TNRC6C: variants seen among roughly 807,000 people sequenced by gnomAD.
TNRC6C encodes trinucleotide repeat containing adaptor 6C.
TNRC6C carries 20 observed loss-of-function variants against 153.7 expected under a neutral mutation model. The observed-to-expected ratio is 0.13, with a 90% CI of 0.09 to 0.19. The LOEUF is 0.19. Among genes scored for constraint, TNRC6C ranks in the 10% least tolerant of loss-of-function variants. The probability of loss-of-function intolerance (pLI) is 1.00; values close to 1 mark genes in which losing one functional copy is unlikely to be tolerated. For missense variants in TNRC6C, 1,987 were observed against 2,172.0 expected (o/e 0.91, Z 1.69); for synonymous variants, 811 against 841.4 (o/e 0.96, Z 0.63).
chr17:77,987,947 T>TG (rs1209368950), intron 1 of TNRC6C, among the ~76,000 whole-genome samples: 2 of 152,150 alleles, frequency 1.3e-5, no homozygotes, highest in Non-Finnish European at 2.9e-5. Context: ...CTCAAAGTGC[T>TG]GGGATTATAG....
intron 9 of TNRC6C, among the ~76,000 whole-genome samples, chr17:78,078,833 C>T (rs574335428): frequency 8.5e-5 from 13 of 152,214 alleles, no homozygotes; most frequent in African/African-American, 3.1e-4. Flanking sequence ...TGGCTCACAC[C>T]TGTAATCCCA....
At chr17:78,047,377 T>G (rs1045583800) in intron 2 of TNRC6C, among the ~76,000 whole-genome samples, 9 of 152,212 alleles carry the variant, frequency 5.9e-5, no homozygotes, top group African/African-American at 2.2e-4. Flanking sequence ...CATTTAAAGT[T>G]TTCTGTTGCC....
chr17:78,051,269 A>G (rs1256602075), exon 3 of TNRC6C: 4 of 1,553,846 alleles, frequency 2.6e-6, no homozygotes, highest in South Asian at 2.4e-5. Context: ...GACCCAAGCA[A>G]CTATAACAAT....
intron 1 of TNRC6C, among the ~76,000 whole-genome samples, chr17:77,979,758 C>T (rs1240304879): frequency 6.6e-6 from 1 of 151,178 alleles, no homozygotes; most frequent in Non-Finnish European, 1.5e-5. Context: ...TACCAAAAAA[C>T]AAAAATAAAG....
intron 1 of TNRC6C, among the ~76,000 whole-genome samples, chr17:77,989,901 A>G (rs367714022): frequency 6.6e-6 from 1 of 152,028 alleles, no homozygotes; most frequent in South Asian, 2.1e-4. Flanking sequence ...CCTCACTTTG[A>G]TTTATATTTC....
At chr17:78,003,082 G>A (rs1457842607), upstream of TNRC6C, among the ~76,000 whole-genome samples, 1 of 152,220 alleles carries the variant, frequency 6.6e-6, no homozygotes, top group Non-Finnish European at 1.5e-5. Flanking sequence ...TGGGTGGTTA[G>A]GGTCTAGTAG....
At chr17:77,985,040 A>G (rs2071142185) in intron 1 of TNRC6C, among the ~76,000 whole-genome samples, 1 of 152,220 alleles carries the variant, frequency 6.6e-6, no homozygotes, top group African/African-American at 2.4e-5. Flanking sequence ...AGACTTACTA[A>G]CAACATTACT....
chr17:78,034,131 A>G (rs1176361158), intron 2 of TNRC6C, among the ~76,000 whole-genome samples: 2 of 152,024 alleles, frequency 1.3e-5, no homozygotes, highest in African/African-American at 4.8e-5. Context: ...TTGGCTCACC[A>G]CAACCTCTGC....
intron 2 of TNRC6C, among the ~76,000 whole-genome samples, chr17:78,036,738 A>C (rs920959144): frequency 2.6e-5 from 4 of 152,092 alleles, no homozygotes; most frequent in African/African-American, 9.7e-5. Context: ...AGCCTGGCCA[A>C]CATAGCGAAA....
chr17:78,015,405 C>A lies in TNRC6C; in HGVS notation c.-546+10326C>A, dbSNP rs540297524. Among the ~76,000 whole-genome samples, 10 of 151,124 alleles carry A rather than the reference C, an allele frequency of 6.6e-5. No individual in the cohort carries two copies. The East Asian group carries it at 1.5e-3, about 23-fold the overall frequency. ...ATGTGTGGGTTAAAAATGTCCCTCC[C>A]AGTTAGCATTTTTACCTATAAAAAG... On this transcript the variant is annotated intron_variant, in intron 1 of 19. Coordinates refer to ENST00000301624, the Ensembl canonical transcript of TNRC6C.
chr17:78,049,988 T>C lies in TNRC6C; in HGVS notation c.926T>C (p.Leu309Pro). The C allele has an allele frequency of 6.2e-7, 1 of 1,614,004 alleles. No homozygotes were observed. ...GGACCTCCTGCTGGTCCTGGAATAC[T>C]CGCCTGGGGAAGGGGCAGTGGCAAC... The change falls in exon 3 of 20, where the codon CTC (leucine) becomes CCC (proline). Residue 309 changes from leucine (L) to proline (P), a missense_variant. This residue lies in a region of TNRC6C where 1,052 missense variants were observed against 1,017.0 expected (regional missense o/e 1.03). Transcript: ENST00000301624. This position sits in a 1 kb window ranked among gnomAD's most constrained non-coding sequence, Gnocchi z 4.1.
At chr17:78,102,508 C>G in exon 18 of TNRC6C, 3 of 1,607,286 alleles carry the variant, frequency 1.9e-6, no homozygotes. Flanking sequence ...CAGGAAGAAC[C>G]AGCAGCTGGC....
chr17:78,064,469 A>G (rs765205031), intron 3 of TNRC6C, among the ~76,000 whole-genome samples: 2 of 152,182 alleles, frequency 1.3e-5, no homozygotes, highest in African/African-American at 4.8e-5. Context: ...GAGTGAGCCC[A>G]GGAGTTGAGG....
upstream of TNRC6C, among the ~76,000 whole-genome samples, chr17:78,001,699 T>G (rs962428713): frequency 3.9e-5 from 6 of 152,158 alleles, no homozygotes; most frequent in African/African-American, 1.4e-4. Context: ...GTAAAAATGT[T>G]TAAGTATATA....
At chr17:77,987,254 T>C (rs894863066) in intron 1 of TNRC6C, among the ~76,000 whole-genome samples, 2 of 152,200 alleles carry the variant, frequency 1.3e-5, no homozygotes, top group African/African-American at 4.8e-5. Context: ...TGGGGAAATA[T>C]GTTCATTAAT....
At chr17:78,088,516 T>C (rs1340776463) in intron 13 of TNRC6C, among the ~76,000 whole-genome samples, 1 of 152,144 alleles carries the variant, frequency 6.6e-6, no homozygotes, top group African/African-American at 2.4e-5. Flanking sequence ...GACACCATAC[T>C]GAGCCATGCC....
chr17:78,000,301 CTTGTCTTTCCT>C (rs2071390781), upstream of TNRC6C, among the ~76,000 whole-genome samples: 1 of 152,098 alleles, frequency 6.6e-6, no homozygotes, highest in Admixed American at 6.6e-5. Context: ...AAAGTTTTAC[CTTGTCTTTCCT>C]TTTAGATTTT....
intron 5 of TNRC6C, 114 bp from the exon 8 acceptor site, chr17:78,070,971 C>A: frequency 9.5e-7 from 1 of 1,049,880 alleles, no homozygotes; most frequent in Non-Finnish European, 1.4e-6. Context: ...AATGTTAATA[C>A]AAAAAGATCC....
intron 1 of TNRC6C, among the ~76,000 whole-genome samples, chr17:77,984,930 C>G (rs1343044702): frequency 6.6e-6 from 1 of 152,148 alleles, no homozygotes; most frequent in Admixed American, 6.5e-5. Flanking sequence ...ATTTTTACCC[C>G]TCTAAAAACA....
Sources: allele counts gnomAD v4.1 joint callset (sites outside exome capture counted in the v4.1 genomes callset), GRCh38; gene constraint gnomAD v4.1.1; regional missense constraint gnomAD v4.1.1; non-coding constraint Gnocchi (gnomAD v3.1); transcripts MANE v1.5; gene names NCBI Gene and HGNC (gene_info 2026-07-23, HGNC 2026-07-21).